AGPAT5: variants seen among roughly 807,000 people sequenced by gnomAD.
AGPAT5 encodes 1-acyl-sn-glycerol-3-phosphate acyltransferase epsilon.
Under a neutral mutation model 45.6 loss-of-function variants are expected in AGPAT5, and 46 were observed. The observed-to-expected ratio is 1.01, with a 90% CI of 0.80 to 1.29. The LOEUF (loss-of-function observed/expected upper bound fraction) is 1.29. AGPAT5 is among the 50% of genes most tolerant of loss of function. The probability of loss-of-function intolerance (pLI) is 0.00; values close to 1 mark genes in which losing one functional copy is unlikely to be tolerated. For missense variants in AGPAT5, 673 were observed against 450.7 expected (o/e 1.49, Z -4.47); for synonymous variants, 272 against 167.0 (o/e 1.63, Z -4.85).
At chr8:6,713,012 A>T (rs985249670) in intron 1 of AGPAT5, among the ~76,000 whole-genome samples, 1 of 152,182 alleles carries the variant, frequency 6.6e-6, no homozygotes, top group Non-Finnish European at 1.5e-5. Flanking sequence ...GGTTTTTTTG[A>T]GTCAGGGTCT....
intron 1 of AGPAT5, among the ~76,000 whole-genome samples, chr8:6,721,508 A>G (rs1800497150): frequency 6.6e-6 from 1 of 152,218 alleles, no homozygotes; most frequent in African/African-American, 2.4e-5. Context: ...TAGTTTACAT[A>G]GTTTCACTGA....
rs761379532 is a variant in AGPAT5, at chr8:6,732,792, C to G, written c.495+142C>G. The G allele has an allele frequency of 6.9e-5, 53 of 767,548 alleles. 1 individual carries two copies. Among genetic ancestry groups the G allele is most frequent in the Middle Eastern group, 3.7e-4 (1 of 2,680 alleles). 47.5% of individuals were successfully genotyped at this position (767,548 alleles called of 1,614,324 possible). ...CAGGGTTATGCTGAGGTAACAGAAA[C>G]CCTCTATGTACAGGTAGGCAGGTTT... On this transcript the variant is annotated intron_variant, in intron 4 of 7. Coordinates refer to ENST00000285518, the MANE Select transcript of AGPAT5 (RefSeq NM_018361.5).
In AGPAT5 at chr8:6,708,758, G is replaced by T. The variant is rs1360251576; in HGVS notation, c.90G>T (p.Leu30Phe). Residue 30 changes from leucine to phenylalanine, a missense_variant, in exon 1 of 8, where the codon TTG becomes TTT. Leu to Phe is a conservative substitution (Grantham distance 22). Transcript: ENST00000285518. ...VLLGTAPTYV[L>F]AWGVWRLLSA... ...TGGGCACGGCGCCCACCTACGTGTT[G>T]GCCTGGGGGGTCTGGCGGCTGCTCT... The T allele has an allele frequency of 3.1e-6, 5 of 1,608,552 alleles. No individual in the cohort carries two copies. The highest frequency in any genetic ancestry group is 2.2e-5 in the East Asian group (1 of 44,838).
intron 5 of AGPAT5, among the ~76,000 whole-genome samples, chr8:6,743,049 T>C (rs187049658): frequency 6.6e-6 from 1 of 152,360 alleles, no homozygotes; most frequent in East Asian, 1.9e-4. Flanking sequence ...CAGTACTCAC[T>C]CTGCCCTCAA....
In AGPAT5 at chr8:6,724,896, A is replaced by T; in HGVS notation, c.246A>T (p.Lys82Asn). 8.7e-7 allele frequency: 1 copy of T among 1,145,298 alleles called. No individual in the cohort carries two copies. The highest frequency in any genetic ancestry group is 1.2e-6 in the Non-Finnish European group (1 of 865,558). 70.9% of individuals were successfully genotyped at this position (1,145,298 alleles called of 1,614,324 possible). A position where few individuals can be genotyped will look rare whatever the true frequency, so the allele number is the denominator to read the frequency against. Residue 82 changes from lysine to asparagine, a missense_variant, in exon 2 of 8, where the codon AAA (lysine) becomes AAT (asparagine). Lys to Asn is a moderately conservative substitution (Grantham distance 94). Coordinates refer to ENST00000285518, the MANE Select transcript of AGPAT5 (RefSeq NM_018361.5). ...VQILLYGDLP[K>N]NKENIIYLAN... ...TATTGCTATATGGAGATTTGCCAAA[A>T]AATAAAGAAAATATAATATATTTAG...
chr8:6,750,596 T>C (rs2928578), intron 6 of AGPAT5, among the ~76,000 whole-genome samples: 10,415 of 152,260 alleles, frequency 0.068, 1,031 homozygotes, highest in African/African-American at 0.22. Context: ...TTGCGTAAAG[T>C]GCACTTACAA....
Position 6,732,633 on chromosome 8 carries a change from G to A in AGPAT5, c.478G>A (p.Val160Met), listed in dbSNP as rs200273834. The A allele has an allele frequency of 2.2e-5, 36 of 1,610,204 alleles. No homozygotes were observed. The East Asian group carries it at 4.7e-4, about 21-fold the overall frequency. ...GATGCGAAACAAGTTGCAGAGCTAC[G>A]TGGACGCAGGAACTCCAGTAAGAGC... ...KEMRNKLQSY[V>M]DAGTPMYLVI... is the part of the protein sequence containing the mutation. Residue 160 changes from valine to methionine, a missense_variant, in exon 4 of 8, where the codon GTG becomes ATG. Coordinates refer to ENST00000285518, the MANE Select transcript of AGPAT5 (RefSeq NM_018361.5).
intron 4 of AGPAT5, among the ~76,000 whole-genome samples, chr8:6,738,224 A>C (rs987446032): frequency 7.2e-5 from 11 of 152,182 alleles, no homozygotes; most frequent in Non-Finnish European, 1.3e-4. Flanking sequence ...ATTGATGTAA[A>C]GTGAGAGACA....
chr8:6,727,526 C>A (rs1214904061), intron 2 of AGPAT5, among the ~76,000 whole-genome samples: 2 of 152,098 alleles, frequency 1.3e-5, no homozygotes, highest in East Asian at 3.9e-4. Context: ...GGATTACAGA[C>A]ATGCACCACC....
intron 2 of AGPAT5, among the ~76,000 whole-genome samples, chr8:6,730,152 C>G (rs1019044568): frequency 6.6e-6 from 1 of 151,568 alleles, no homozygotes; most frequent in Non-Finnish European, 1.5e-5. Context: ...TTGTTCCATA[C>G]ACATGCTGCT....
At chr8:6,724,117 C>G (rs984666789) in intron 1 of AGPAT5, among the ~76,000 whole-genome samples, 1 of 152,172 alleles carries the variant, frequency 6.6e-6, no homozygotes, top group African/African-American at 2.4e-5. Context: ...ACATCGAACA[C>G]CTGTGTGCCT....
Position 6,761,086 on chromosome 8 carries a change from T to A in AGPAT5, c.*3698T>A, listed in dbSNP as rs1437120531. On this transcript the variant is annotated 3_prime_UTR_variant, in exon 8 of 8. Coordinates refer to ENST00000285518, the MANE Select transcript of AGPAT5 (RefSeq NM_018361.5). ...AAAGACATATACCTTGTTATTATAATATGTATACTATAATAATAGCTGGTT... is the reference window on the plus strand; with the variant it reads ...AAAGACATATACCTTGTTATTATAAAATGTATACTATAATAATAGCTGGTT... 6.6e-6 allele frequency among the ~76,000 whole-genome samples: 1 copy of A among 152,232 alleles called. No individual in the cohort carries two copies. Among genetic ancestry groups the A allele is most frequent in the Non-Finnish European group, 1.5e-5 (1 of 68,046 alleles).
rs940365621 is a variant in AGPAT5 at position 6,712,371 on chromosome 8, A to ATT, written c.219+3485_219+3486dup. 6.1e-5 allele frequency among the ~76,000 whole-genome samples: 8 copies of ATT among 130,126 alleles called. 1 individual carries two copies. In the South Asian group the frequency reaches 9.1e-4, roughly 15 times the overall value. The allele number at this position is 130,126 out of a possible 152,430, so 85.4% of individuals were successfully genotyped here. ...CTGATTCTGAAATTACCATCTTGTG[A>ATT]TTATATATATATATATATGGAAATA... On this transcript the variant is annotated intron_variant, in intron 1 of 7. Coordinates refer to ENST00000285518, the MANE Select transcript of AGPAT5 (RefSeq NM_018361.5).
intron 2 of AGPAT5, among the ~76,000 whole-genome samples, chr8:6,727,494 G>A (rs1324277433): frequency 6.6e-6 from 1 of 151,868 alleles, no homozygotes; most frequent in Non-Finnish European, 1.5e-5. Context: ...CCATTTTCCT[G>A]CCTCAGCCTC....
chr8:6,731,305 A>G (rs913349189), intron 3 of AGPAT5, among the ~76,000 whole-genome samples: 7 of 152,136 alleles, frequency 4.6e-5, no homozygotes, highest in East Asian at 3.9e-4. Flanking sequence ...CTGATTATCC[A>G]TATGCGGTTT....
chr8:6,739,066 C>A (rs1234607026), intron 4 of AGPAT5, among the ~76,000 whole-genome samples: 1 of 151,908 alleles, frequency 6.6e-6, no homozygotes, highest in African/African-American at 2.4e-5. Context: ...TATTTCCCCC[C>A]AATGTTTGAA....
chr8:6,740,333 T>G (rs1418597345), intron 4 of AGPAT5, among the ~76,000 whole-genome samples: 1 of 151,924 alleles, frequency 6.6e-6, no homozygotes, highest in Non-Finnish European at 1.5e-5. Flanking sequence ...GGAACTAGCT[T>G]TAATGTTTGT....
intron 2 of AGPAT5, among the ~76,000 whole-genome samples, chr8:6,729,697 T>C (rs1379075253): frequency 6.6e-6 from 1 of 152,244 alleles, no homozygotes; most frequent in African/African-American, 2.4e-5. Context: ...TTTGTTTAAT[T>C]GGCAAGGGCC....
At chr8:6,728,254 A>C (rs1800752981) in intron 2 of AGPAT5, among the ~76,000 whole-genome samples, 1 of 152,240 alleles carries the variant, frequency 6.6e-6, no homozygotes, top group Non-Finnish European at 1.5e-5. Context: ...ATCTTAGTTA[A>C]ATTATGCCAG....
Sources: allele counts gnomAD v4.1 joint callset (sites outside exome capture counted in the v4.1 genomes callset), GRCh38; gene constraint gnomAD v4.1.1; transcripts MANE v1.5; gene names NCBI Gene and HGNC (gene_info 2026-07-23, HGNC 2026-07-21).